Variants in STK39 observed in about 807,000 individuals in gnomAD.
STK39 encodes serine/threonine kinase 39, also known as STE20/SPS1-related proline-alanine-rich protein kinase.
STK39 carries 20 observed loss-of-function variants against 77.8 expected under a neutral mutation model. The observed-to-expected ratio is 0.26, with a 90% CI of 0.18 to 0.37. The LOEUF (loss-of-function observed/expected upper bound fraction) is 0.37, where lower values mean the gene tolerates loss of function less well. Among genes scored for constraint, STK39 ranks in the 10% least tolerant of loss-of-function variants. The pLI, the probability that STK39 is intolerant of heterozygous loss-of-function variation, is 1.00. For synonymous variants in STK39, 246 were observed against 234.1 expected, an observed-to-expected ratio of 1.05 and a Z score of -0.47; for missense variants, 479 against 656.5, an observed-to-expected ratio of 0.73 and a Z score of 2.95.
intron 14 of STK39, among the ~76,000 whole-genome samples, chr2:168,040,765 G>T (rs1685083180): frequency 6.6e-6 from 1 of 152,082 alleles, no homozygotes; most frequent in East Asian, 1.9e-4. Flanking sequence ...GACTATCAAG[G>T]ACTTAACCCA....
chr2:168,218,609 A>T (rs1690083445), intron 1 of STK39, among the ~76,000 whole-genome samples: 1 of 152,232 alleles, frequency 6.6e-6, no homozygotes, highest in Admixed American at 6.5e-5. Context: ...CTGAGTAAAA[A>T]GGCTCAGAGA....
intron 14 of STK39, among the ~76,000 whole-genome samples, chr2:168,020,496 C>T (rs1684542862): frequency 6.6e-6 from 1 of 151,948 alleles, no homozygotes; most frequent in African/African-American, 2.4e-5. Flanking sequence ...ATAGTTTTGA[C>T]CTCATGGGCT....
intron 16 of STK39, among the ~76,000 whole-genome samples, chr2:167,965,255 C>T (rs1257188778): frequency 6.6e-6 from 1 of 152,182 alleles, no homozygotes; most frequent in African/African-American, 2.4e-5. Flanking sequence ...AGTGGATAAC[C>T]TCTACAACTC....
intron 16 of STK39, among the ~76,000 whole-genome samples, chr2:167,969,792 G>T (rs889164786): frequency 2.0e-5 from 3 of 152,180 alleles, no homozygotes; most frequent in African/African-American, 7.2e-5. Context: ...ACTTCACCCA[G>T]AGGGCAGGGG....
intron 1 of STK39, among the ~76,000 whole-genome samples, chr2:168,226,019 C>A (rs1332265613): frequency 3.3e-5 from 5 of 152,166 alleles, no homozygotes; most frequent in Non-Finnish European, 7.3e-5. Context: ...AAGAGAGAAG[C>A]TGGATGGGCC....
intron 17 of STK39, among the ~76,000 whole-genome samples, chr2:167,959,143 C>T (rs1013699234): frequency 2.0e-5 from 3 of 151,696 alleles, no homozygotes; most frequent in South Asian, 2.1e-4. Flanking sequence ...TTTTTTGAGA[C>T]AGTCTCACTC....
chr2:168,154,981 A>G (rs6725877), intron 5 of STK39, among the ~76,000 whole-genome samples: 61,713 of 151,806 alleles, frequency 0.41, 14,286 homozygotes, highest in East Asian at 0.67. Context: ...GCAGACCTCC[A>G]TAGTATTTGG....
intron 1 of STK39, among the ~76,000 whole-genome samples, chr2:168,243,601 G>C (rs1326052335): frequency 1.3e-5 from 2 of 152,188 alleles, no homozygotes; most frequent in African/African-American, 4.8e-5. Context: ...AACTCCTGCT[G>C]AGGCAGGAGT....
intron 2 of STK39, among the ~76,000 whole-genome samples, chr2:168,177,873 A>G (rs752174702): frequency 1.3e-5 from 2 of 152,206 alleles, no homozygotes; most frequent in Admixed American, 6.5e-5. Flanking sequence ...TATTAGACAA[A>G]AGTAAACTGT....
chr2:168,232,345 C>G (rs1366325159), intron 1 of STK39: 1 of 153,342 alleles, frequency 6.5e-6, no homozygotes, highest in Non-Finnish European at 1.5e-5. Context: ...GAAGGTCAGT[C>G]ATACCTCATA....
intron 10 of STK39, among the ~76,000 whole-genome samples, chr2:168,103,046 G>A (rs1215674207): frequency 6.6e-6 from 1 of 151,214 alleles, no homozygotes; most frequent in African/African-American, 2.4e-5. Context: ...TCACAGGGAT[G>A]ATGAGGCTAC....
intron 14 of STK39, among the ~76,000 whole-genome samples, chr2:168,059,424 T>C (rs1426055598): frequency 6.6e-6 from 1 of 152,168 alleles, no homozygotes; most frequent in Non-Finnish European, 1.5e-5. Flanking sequence ...TGAAAAACCT[T>C]GAACAGAAAG....
At chr2:167,969,244 T>C (rs559498924) in intron 16 of STK39, among the ~76,000 whole-genome samples, 1 of 152,218 alleles carries the variant, frequency 6.6e-6, no homozygotes, top group Non-Finnish European at 1.5e-5. Flanking sequence ...TTATCTGGTT[T>C]ACCTTGCCTT....
intron 1 of STK39, among the ~76,000 whole-genome samples, chr2:168,192,264 T>C (rs986949680): frequency 7.2e-5 from 11 of 152,082 alleles, no homozygotes; most frequent in African/African-American, 2.2e-4. Context: ...GTCTGCTGAC[T>C]ACCAACCCAA....
intron 1 of STK39, among the ~76,000 whole-genome samples, chr2:168,228,069 G>A (rs879403838): frequency 6.6e-6 from 1 of 152,150 alleles, no homozygotes; most frequent in Non-Finnish European, 1.5e-5. Flanking sequence ...AATCTAAGTC[G>A]TAACACAGAC....
At position 168,181,989 on chromosome 2, in the gene STK39, C is replaced by T. The variant is rs1187292608; in HGVS notation, c.310G>A (p.Asp104Asn). 1 of 1,613,800 alleles carries T rather than the reference C, an allele frequency of 6.2e-7. No homozygotes were observed. Among genetic ancestry groups the T allele is most frequent in the Non-Finnish European group, 8.5e-7 (1 of 1,179,770 alleles). The change falls in exon 2 of 18, where the codon GAT becomes AAT. Residue 104 changes from aspartate to asparagine, a missense_variant. By Grantham distance (23) the Asp-to-Asn change is conservative (BLOSUM62 1). Coordinates refer to ENST00000355999, the MANE Select transcript of STK39 (RefSeq NM_013233.3). ...INLEKCQTSMDELLKEIQAMS... is the reference protein window; with the variant it reads ...INLEKCQTSMNELLKEIQAMS... ...GCACTGTTACTTACTAATAGTTCAT[C>T]CATACTGGTCTGGCATTTTTCCAAG... is the stretch of plus-strand genomic sequence containing the variant.
chr2:168,078,253 A>C (rs568560158), intron 10 of STK39, among the ~76,000 whole-genome samples: 1 of 152,144 alleles, frequency 6.6e-6, no homozygotes, highest in South Asian at 2.1e-4. Context: ...TTTAATGAAA[A>C]CCCGTTAAAT....
rs1357505871 is a variant in STK39 at position 168,167,356 on chromosome 2, A to G, written c.373T>C (p.Tyr125His). 1 of 1,613,812 alleles carries G rather than the reference A, an allele frequency of 6.2e-7. No homozygotes were observed. The highest frequency in any genetic ancestry group is 1.1e-5 in the South Asian group (1 of 91,068). Residue 125 changes from tyrosine to histidine, a missense_variant, in exon 3 of 18, where the codon TAC (tyrosine) becomes CAC (histidine). By Grantham distance (83) the Tyr-to-His change is moderately conservative. This residue lies in a region of STK39 where 139 missense variants were observed against 280.6 expected (regional missense o/e 0.50). Transcript: ENST00000355999. ...TCATCTTTGACCACAAAAGAGGTGT[A>G]ATAGGTCACTACGTTGGGATGGCTG... ...QCSHPNVVTY[Y>H]TSFVVKDELW...
intron 16 of STK39, among the ~76,000 whole-genome samples, chr2:167,979,609 C>T (rs1481414134): frequency 3.3e-5 from 5 of 152,116 alleles, no homozygotes; most frequent in African/African-American, 7.2e-5. Context: ...AGAGGTAAAA[C>T]GTTCCAAGAG....
Sources: allele counts gnomAD v4.1 joint callset (sites outside exome capture counted in the v4.1 genomes callset), GRCh38; gene constraint gnomAD v4.1.1; regional missense constraint gnomAD v4.1.1; transcripts MANE v1.5; gene names NCBI Gene and HGNC (gene_info 2026-07-23, HGNC 2026-07-21).